The following IDH3G variants were observed in gnomAD, a reference collection of about 807,000 sequenced individuals.
IDH3G encodes the protein isocitrate dehydrogenase [NAD] subunit gamma, mitochondrial.
IDH3G carries 9 observed loss-of-function variants against 26.9 expected under a neutral mutation model. The ratio of observed to expected loss-of-function variants is 0.34; its 90% CI spans 0.20 to 0.58. The LOEUF is 0.58. Among genes scored for constraint, IDH3G ranks in the 20% least tolerant of loss-of-function variants. The pLI, the probability that IDH3G is intolerant of heterozygous loss-of-function variation, is 0.85. For synonymous variants in IDH3G, 181 were observed against 160.0 expected (o/e 1.13, Z -0.99); for missense variants, 250 against 372.8 (o/e 0.67, Z 2.71).
At chrX:153,788,024 T>A in intron 6 of IDH3G, 51 bp downstream of exon 6, 1 of 1,208,937 alleles carries the variant, frequency 8.3e-7, no homozygotes, top group Non-Finnish European at 1.1e-6. Flanking sequence ...CTCCACTGGC[T>A]CACCCCACCT....
chrX:153,794,264 A>T lies in IDH3G; in HGVS notation c.63T>A (p.Leu21=). The change falls in exon 1 of 13, where the codon CTT becomes CTA. Residue 21 remains leucine (L), a synonymous_variant. Coordinates refer to ENST00000217901, the MANE Select transcript of IDH3G (RefSeq NM_004135.4). The part of the protein sequence containing the change: ...SAAKAVLGPA[L]LCRPWEVLGA... ...TGCTCACCTCCCAGGGACGGCAGAG[A>T]AGGGCTGGCCCGAGCACCGCCTTCG... 1 of 1,198,053 alleles carries T rather than the reference A, an allele frequency of 8.3e-7. No homozygotes were observed. The highest frequency in any genetic ancestry group is 1.1e-6 in the Non-Finnish European group (1 of 889,071).
intron 5 of IDH3G, 37 bp from the exon 6 acceptor site, chrX:153,788,172 T>C (rs954648117): frequency 1.0e-5 from 12 of 1,190,531 alleles, no homozygotes; most frequent in Non-Finnish European, 1.4e-5. Context: ...GCACTGCCCA[T>C]CCCCGCCCCA....
intron 1 of IDH3G, 171 bp from the exon 2 acceptor site, chrX:153,791,022 C>T (rs782160763): frequency 1.9e-4 from 82 of 427,398 alleles, no homozygotes; most frequent in Admixed American, 2.2e-4. Context: ...TCCCCAGGGC[C>T]GGCCCGCTGG....
Position 153,790,550 on chromosome X carries a change from A to G in IDH3G, c.135+14T>C, listed in dbSNP as rs782004123. On this transcript the variant is annotated intron_variant, in intron 3 of 12. Coordinates refer to ENST00000217901, the MANE Select transcript of IDH3G (RefSeq NM_004135.4). ...AGAGCCCCCCAAACCTAACAGGCAG[A>G]GAAGAATACTCACAATTGTTTGTTC... is the stretch of plus-strand genomic sequence containing the variant. 2.5e-6 allele frequency: 3 copies of G among 1,207,072 alleles called. No individual in the cohort carries two copies. Among genetic ancestry groups the G allele is most frequent in the Non-Finnish European group, 3.4e-6 (3 of 891,330 alleles).
intron 1 of IDH3G, chrX:153,793,951 C>G (rs897895806): frequency 4.2e-5 from 10 of 238,787 alleles, no homozygotes; most frequent in African/African-American, 2.9e-4. Context: ...GTGACTGCCT[C>G]AGAAGGGCTC....
At chrX:153,788,048 C>T (rs782100421) in intron 6 of IDH3G, 27 bp downstream of exon 6, 3 of 1,210,584 alleles carry the variant, frequency 2.5e-6, no homozygotes. Context: ...CCCCACCAAG[C>T]CCCCAGCCCG....
chrX:153,790,136 G>C (rs183079320), intron 4 of IDH3G, 59 bp downstream of exon 4: 4 of 997,008 alleles, frequency 4.0e-6, no homozygotes, highest in Non-Finnish European at 5.7e-6. Flanking sequence ...GCCCCTCTTG[G>C]CACAAAGTCC....
intron 1 of IDH3G, among the ~76,000 whole-genome samples, chrX:153,792,716 T>G (rs978828199): frequency 8.9e-6 from 1 of 112,585 alleles, no homozygotes; most frequent in Non-Finnish European, 1.9e-5. Flanking sequence ...CCTTTGGGCT[T>G]TGGCAAAAGA....
chrX:153,794,299 C>T lies in IDH3G; in HGVS notation c.28G>A (p.Gly10Ser), dbSNP rs374207063. 16 of 1,197,702 alleles carry T rather than the reference C, an allele frequency of 1.3e-5. No individual in the cohort carries two copies. Among genetic ancestry groups the T allele is most frequent in the Non-Finnish European group, 1.8e-5 (16 of 890,434 alleles). Residue 10 changes from glycine to serine, a missense_variant, in exon 1 of 13, where the codon GGC becomes AGC. By Grantham distance (56) the Gly-to-Ser change is moderately conservative (BLOSUM62 0). This residue lies in a region of IDH3G where 49 missense variants were observed against 41.5 expected (regional missense o/e 1.18). Coordinates refer to ENST00000217901, the MANE Select transcript of IDH3G (RefSeq NM_004135.4). ...CCGAGCACCGCCTTCGCGGCGCTGC[C>T]GGCGACGGTCGCTACCTTCAGCGCC... MALKVATVAGSAAKAVLGPA... is the reference protein window; with the variant it reads MALKVATVASSAAKAVLGPA...
intron 10 of IDH3G, 131 bp from the exon 11 acceptor site, chrX:153,786,580 G>C (rs1284887361): frequency 1.3e-5 from 8 of 615,408 alleles, no homozygotes; most frequent in African/African-American, 8.9e-5. Flanking sequence ...CAGGGGTTGG[G>C]GGAAGGTGTG....
At position 153,788,104 on chromosome X, in the gene IDH3G, C is replaced by T. The variant is rs782314768; in HGVS notation, c.378G>A (p.Pro126=). The part of the protein sequence containing the change: ...GNIETNHNLP[P]SHKSRNNILR... ...GGATGTTGTTTCGAGATTTGTGCGACGGTGGCAGGTTATGGTTGGTTTCGA... is the reference window on the plus strand; with the variant it reads ...GGATGTTGTTTCGAGATTTGTGCGATGGTGGCAGGTTATGGTTGGTTTCGA... Residue 126 remains proline (P), a synonymous_variant, in exon 6 of 13, where the codon CCG becomes CCA. Coordinates refer to ENST00000217901, the MANE Select transcript of IDH3G (RefSeq NM_004135.4). The T allele has an allele frequency of 1.1e-5, 13 of 1,210,892 alleles. No homozygotes were observed. The Admixed American group carries it at 1.7e-4, about 16-fold the overall frequency.
chrX:153,790,602 C>T (rs1557070257), intron 2 of IDH3G, 27 bp from the exon 3 acceptor site: 1 of 1,202,382 alleles, frequency 8.3e-7, no homozygotes, highest in South Asian at 1.8e-5. Flanking sequence ...AGGAAGAAGA[C>T]ACAATCAGCC....
intron 7 of IDH3G, 69 bp from the exon 8 acceptor site, chrX:153,787,666 C>T (rs1436461153): frequency 4.7e-5 from 55 of 1,161,153 alleles, no homozygotes; most frequent in East Asian, 2.7e-4. Flanking sequence ...CAAGCTGGCG[C>T]GACCGGGCCA....
intron 5 of IDH3G, 32 bp downstream of exon 5, chrX:153,789,680 G>A: frequency 1.2e-6 from 1 of 855,740 alleles, no homozygotes; most frequent in Non-Finnish European, 1.7e-6. Context: ...CACACCTAGG[G>A]CCCCATCCTG....
rs868924041 is a variant in IDH3G, at chrX:153,786,413, T to C, written c.961A>G (p.Asn321Asp). The C allele has an allele frequency of 8.3e-7, 1 of 1,201,868 alleles. No homozygotes were observed. Among genetic ancestry groups the C allele is most frequent in the African/African-American group, 1.7e-5 (1 of 57,600 alleles). Residue 321 changes from asparagine (N) to aspartate (D), a missense_variant, in exon 11 of 13, where the codon AAC (asparagine) becomes GAC (aspartate). Around this residue, in one of 2 missense-constraint regions of IDH3G, gnomAD observed 201 missense variants for 331.3 expected, o/e 0.61. Transcript: ENST00000217901. ...RNTGKSIANKNIANPTATLLA... is the reference protein window; with the variant it reads ...RNTGKSIANKDIANPTATLLA... ...AGGGTGGCCGTGGGGTTGGCGATGT[T>C]CTTATTGGCGATACTCTTGCCGGTG...
chrX:153,787,963 G>A lies in IDH3G; in HGVS notation c.408-8C>T, dbSNP rs2092095847. 1.7e-6 allele frequency: 2 copies of A among 1,210,420 alleles called. No homozygotes were observed. The highest frequency in any genetic ancestry group is 1.1e-6 in the Non-Finnish European group (1 of 894,060). On this transcript the variant is annotated splice_region_variant and splice_polypyrimidine_tract_variant and intron_variant, in intron 6 of 12. Coordinates refer to ENST00000217901, the MANE Select transcript of IDH3G (RefSeq NM_004135.4). ...TAGAGGTCCAGGCTGGTGCTGGGAGGGGACGGAGAAAGAGGCTGCTAGGCC... is the reference window on the plus strand; with the variant it reads ...TAGAGGTCCAGGCTGGTGCTGGGAGAGGACGGAGAAAGAGGCTGCTAGGCC...
intron 1 of IDH3G, among the ~76,000 whole-genome samples, chrX:153,792,735 G>A (rs1454044401): frequency 1.8e-5 from 2 of 112,702 alleles, no homozygotes; most frequent in Admixed American, 9.4e-5. Flanking sequence ...GACCCAGAGA[G>A]CGCTCCAGAT....
chrX:153,790,731 G>A, intron 2 of IDH3G, 79 bp downstream of exon 2: 29 of 1,114,186 alleles, frequency 2.6e-5, no homozygotes, highest in Non-Finnish European at 3.6e-5. Context: ...TCAGAGGACA[G>A]GACACAGGCC....
intron 1 of IDH3G, chrX:153,793,950 T>A: frequency 4.2e-6 from 1 of 237,371 alleles, no homozygotes; most frequent in Non-Finnish European, 7.6e-6. Context: ...AGTGACTGCC[T>A]CAGAAGGGCT....
Sources: allele counts gnomAD v4.1 joint callset (sites outside exome capture counted in the v4.1 genomes callset), GRCh38; gene constraint gnomAD v4.1.1; regional missense constraint gnomAD v4.1.1; transcripts MANE v1.5; gene names NCBI Gene and HGNC (gene_info 2026-07-23, HGNC 2026-07-21).